TRHDE: variants seen among roughly 807,000 people sequenced by gnomAD.
TRHDE encodes the protein thyrotropin-releasing hormone-degrading ectoenzyme.
TRHDE carries 72 observed loss-of-function variants against 125.7 expected under a neutral mutation model. That is an observed-to-expected ratio of 0.57 (90% CI 0.47 to 0.70). TRHDE has a LOEUF of 0.70. Among genes scored for constraint, TRHDE ranks in the 30% least tolerant of loss-of-function variants. TRHDE has a pLI of 0.00. For missense variants in TRHDE, 1,110 were observed against 1,327.1 expected, an observed-to-expected ratio of 0.84 and a Z score of 2.54; for synonymous variants, 509 against 509.1, an observed-to-expected ratio of 1.00 and a Z score of 0.00.
intron 2 of TRHDE, among the ~76,000 whole-genome samples, chr12:72,316,039 C>G (rs1164962296): frequency 2.0e-5 from 3 of 152,054 alleles, no homozygotes; most frequent in Non-Finnish European, 4.4e-5. Context: ...TTCATAGATT[C>G]AGAGGATGTT....
chr12:72,414,022 A>G (rs186769087), intron 3 of TRHDE, among the ~76,000 whole-genome samples: 1 of 152,218 alleles, frequency 6.6e-6, no homozygotes, highest in Admixed American at 6.6e-5. Flanking sequence ...TCACTTTAGT[A>G]TTTATATAGG....
intron 3 of TRHDE, among the ~76,000 whole-genome samples, chr12:72,462,877 G>A (rs1308420473): frequency 2.6e-5 from 4 of 152,112 alleles, no homozygotes; most frequent in Non-Finnish European, 5.9e-5. Flanking sequence ...ACATGAGCTT[G>A]GACACAGCAG....
At chr12:72,420,572 A>G (rs1186307390) in intron 3 of TRHDE, among the ~76,000 whole-genome samples, 1 of 152,196 alleles carries the variant, frequency 6.6e-6, no homozygotes, top group East Asian at 1.9e-4. Context: ...AAAACTTCCT[A>G]AAAGCAGAGT....
intron 12 of TRHDE, among the ~76,000 whole-genome samples, chr12:72,599,670 G>T (rs1236986493): frequency 2.0e-5 from 3 of 151,996 alleles, no homozygotes; most frequent in Non-Finnish European, 4.4e-5. Context: ...TAGTTTGTCT[G>T]TCTACTCCGT....
At chr12:72,620,740 A>G (rs1183416372) in intron 13 of TRHDE, among the ~76,000 whole-genome samples, 1 of 152,102 alleles carries the variant, frequency 6.6e-6, no homozygotes, top group African/African-American at 2.4e-5. Context: ...TAAATATTAG[A>G]TGTCCATTTT....
chr12:72,457,766 T>G (rs1875929793), intron 3 of TRHDE, among the ~76,000 whole-genome samples: 1 of 152,204 alleles, frequency 6.6e-6, no homozygotes, highest in African/African-American at 2.4e-5. Context: ...TTGCCAAGCC[T>G]ACATAAATAA....
chr12:72,613,533 T>C (rs1017751834), intron 12 of TRHDE, among the ~76,000 whole-genome samples: 1 of 152,230 alleles, frequency 6.6e-6, no homozygotes, highest in African/African-American at 2.4e-5. Flanking sequence ...GGAATATTTA[T>C]TGAGTGCCTA....
At chr12:72,589,913 A>T (rs1180435213) in intron 12 of TRHDE, among the ~76,000 whole-genome samples, 1 of 151,544 alleles carries the variant, frequency 6.6e-6, no homozygotes, top group Non-Finnish European at 1.5e-5. Flanking sequence ...TTTATTGTTT[A>T]CTTCTGTCTG....
rs1168429073 is a variant in TRHDE at position 72,380,722 on chromosome 12, CCTTCCTTCCTTG to C, written c.1315+2613_1315+2624del. ...AGCTTCCTTCCTTCCTTCCTTCCTT[CCTTCCTTCCTTG>C]CTTCCTTCCTTCCTTCCTTCCTTCC... On this transcript the variant is annotated intron_variant, in intron 3 of 18. Coordinates refer to ENST00000261180, the MANE Select transcript of TRHDE (RefSeq NM_013381.3). Among the ~76,000 whole-genome samples, 22 of 115,704 alleles carry C rather than the reference CCTTCCTTCCTTG, an allele frequency of 1.9e-4. 2 individuals carry two copies. The highest frequency in any genetic ancestry group is 7.9e-4 in the African/African-American group (19 of 23,990). The allele number at this position is 115,704 out of a possible 152,430, so 75.9% of individuals were successfully genotyped here. A position where few individuals can be genotyped will look rare whatever the true frequency, so the allele number is the denominator to read the frequency against.
intron 3 of TRHDE, 36 bp downstream of exon 3, chr12:72,378,157 C>T (rs1183312513): frequency 1.3e-6 from 2 of 1,526,730 alleles, no homozygotes; most frequent in East Asian, 2.3e-5. Context: ...TGGAAGGGCT[C>T]CTTGAAAGTG....
chr12:72,409,419 C>A (rs894528766), intron 3 of TRHDE, among the ~76,000 whole-genome samples: 3 of 152,170 alleles, frequency 2.0e-5, no homozygotes, highest in Admixed American at 6.5e-5. Context: ...ATCAGTTTTT[C>A]TGGCTTCTTC....
chr12:72,210,762 A>G (rs1877764742), intron 2 of TRHDE, among the ~76,000 whole-genome samples: 1 of 152,194 alleles, frequency 6.6e-6, no homozygotes, highest in Admixed American at 6.5e-5. Context: ...CAGTTTTCTA[A>G]ATAGTATAGT....
chr12:72,568,175 C>T (rs1870539944), intron 9 of TRHDE, among the ~76,000 whole-genome samples: 1 of 151,984 alleles, frequency 6.6e-6, no homozygotes, highest in Non-Finnish European at 1.5e-5. Context: ...AATGTAAATG[C>T]ATGAAGCCAC....
intron 2 of TRHDE, among the ~76,000 whole-genome samples, chr12:72,309,110 C>T (rs984276805): frequency 6.6e-6 from 1 of 152,110 alleles, no homozygotes; most frequent in Admixed American, 6.5e-5. Context: ...GTTTCCATCG[C>T]CCCCAGAAGT....
At chr12:72,617,281 G>A (rs972685014) in intron 12 of TRHDE, among the ~76,000 whole-genome samples, 11 of 152,020 alleles carry the variant, frequency 7.2e-5, no homozygotes, top group Admixed American at 2.0e-4. Flanking sequence ...AATCAAAATC[G>A]TTAGAGTGTC....
chr12:72,650,354 G>T (rs1874456097), intron 15 of TRHDE, among the ~76,000 whole-genome samples: 2 of 152,120 alleles, frequency 1.3e-5, no homozygotes, highest in African/African-American at 4.8e-5. Flanking sequence ...TGGAATGATG[G>T]TTGCCAGGGG....
At chr12:72,135,607 A>G (rs554055637) in intron 2 of TRHDE, among the ~76,000 whole-genome samples, 4 of 151,306 alleles carry the variant, frequency 2.6e-5, no homozygotes, top group Non-Finnish European at 4.4e-5. Flanking sequence ...GGAAAAATGT[A>G]TTCTTAGCTG....
At chr12:72,126,071 G>A (rs1369062955) in intron 2 of TRHDE, among the ~76,000 whole-genome samples, 2 of 152,070 alleles carry the variant, frequency 1.3e-5, no homozygotes, top group Admixed American at 1.3e-4. Flanking sequence ...ATGTGTGAAG[G>A]AATTACCTGA....
intron 5 of TRHDE, 125 bp from the exon 6 acceptor site, chr12:72,499,373 T>C: frequency 8.0e-7 from 1 of 1,256,738 alleles, no homozygotes; most frequent in Non-Finnish European, 1.1e-6. Flanking sequence ...CACTTTAGAG[T>C]TGAGTCATGC....
Sources: allele counts gnomAD v4.1 joint callset (sites outside exome capture counted in the v4.1 genomes callset), GRCh38; gene constraint gnomAD v4.1.1; transcripts MANE v1.5; gene names NCBI Gene and HGNC (gene_info 2026-07-23, HGNC 2026-07-21).